Variants in ZNF469 observed in about 807,000 individuals in gnomAD.
ZNF469 encodes zinc finger protein 469.
In ZNF469, 1 loss-of-function variant was observed where a neutral mutation model predicts 1.0. That is an observed-to-expected ratio of 1.00 (90% confidence interval 0.35 to 4.73). The LOEUF (loss-of-function observed/expected upper bound fraction) is 4.73. ZNF469 is among the 30% of genes most tolerant of loss of function. The pLI, the probability that ZNF469 is intolerant of heterozygous loss-of-function variation, is 0.16. For missense variants in ZNF469, 6,100 were observed against 5,356.3 expected (o/e 1.14, Z -4.33); for synonymous variants, 2,703 against 2,363.4 (o/e 1.14, Z -4.17).
chr16:88,285,776 A>C, the ZNF469 span, among the ~76,000 whole-genome samples: 4 of 152,210 alleles, frequency 2.6e-5, no homozygotes, highest in Non-Finnish European at 1.5e-5. Flanking sequence ...GCCCTCTGGC[A>C]GGGGCCACCA....
At chr16:88,369,904 C>T in the ZNF469 span, among the ~76,000 whole-genome samples, 6 of 152,350 alleles carry the variant, frequency 3.9e-5, no homozygotes, top group African/African-American at 1.4e-4. Flanking sequence ...CCGCTCCTTC[C>T]CTCCTGGGGA....
the ZNF469 span, among the ~76,000 whole-genome samples, chr16:88,374,524 A>T: frequency 3.9e-5 from 6 of 152,252 alleles, no homozygotes; most frequent in African/African-American, 1.2e-4. Context: ...CTGAGTGAAT[A>T]TTCATGCTAT....
intron 1 of ZNF469, among the ~76,000 whole-genome samples, chr16:88,401,895 AGT>A (rs1491109333): frequency 4.8e-4 from 51 of 107,136 alleles, no homozygotes; most frequent in African/African-American, 1.6e-3. Flanking sequence ...TGAGTGGGTG[AGT>A]GGATGGATGG....
chr16:88,155,268 G>A, the ZNF469 span, among the ~76,000 whole-genome samples: 1 of 152,234 alleles, frequency 6.6e-6, no homozygotes, highest in Non-Finnish European at 1.5e-5. Flanking sequence ...GCAGCCCCCT[G>A]CTGACCCTGC....
chr16:88,423,249 GGATA>G (rs1439689211), intron 1 of ZNF469, among the ~76,000 whole-genome samples: 15 of 150,836 alleles, frequency 9.9e-5, no homozygotes, highest in African/African-American at 2.2e-4. Flanking sequence ...ATGGATGGAT[GGATA>G]GATGGATGGA....
At chr16:88,380,406 G>C (rs1423964699), upstream of ZNF469, among the ~76,000 whole-genome samples, 630 of 79,660 alleles carry the variant, frequency 7.9e-3, 52 homozygotes, top group Middle Eastern at 0.01. Context: ...CCCTCACACA[G>C]ACATGCACTC....
the ZNF469 span, among the ~76,000 whole-genome samples, chr16:88,124,675 C>G: frequency 1.3e-5 from 2 of 152,210 alleles, no homozygotes; most frequent in African/African-American, 4.8e-5. Flanking sequence ...ACCTCTGCCT[C>G]CCGGGTTCAA....
At chr16:88,375,749 T>C in the ZNF469 span, among the ~76,000 whole-genome samples, 1 of 152,266 alleles carries the variant, frequency 6.6e-6, no homozygotes. Context: ...GTGGGAATGC[T>C]GAGCCACACG....
At chr16:88,176,214 G>C in the ZNF469 span, among the ~76,000 whole-genome samples, 1 of 149,976 alleles carries the variant, frequency 6.7e-6, no homozygotes, top group South Asian at 2.2e-4. Context: ...AGACTGCACG[G>C]AGCTCACAAG....
At chr16:88,388,679 G>A (rs1228177541) in intron 1 of ZNF469, among the ~76,000 whole-genome samples, 1 of 152,220 alleles carries the variant, frequency 6.6e-6, no homozygotes, top group Non-Finnish European at 1.5e-5. Context: ...GGAGGAGGCT[G>A]CCCCATCTGT....
chr16:88,365,032 T>C, the ZNF469 span, among the ~76,000 whole-genome samples: 1 of 152,326 alleles, frequency 6.6e-6, no homozygotes, highest in South Asian at 2.1e-4. Flanking sequence ...TCCTGGATAT[T>C]TGATGTTTTA....
At chr16:88,343,517 C>G in the ZNF469 span, among the ~76,000 whole-genome samples, 2 of 152,108 alleles carry the variant, frequency 1.3e-5, no homozygotes, top group South Asian at 2.1e-4. Context: ...AATCCCTGAG[C>G]CTGGGTAGTT....
chr16:88,170,049 G>A, the ZNF469 span, among the ~76,000 whole-genome samples: 2 of 152,340 alleles, frequency 1.3e-5, no homozygotes, highest in South Asian at 2.1e-4. This position sits in a 1 kb window ranked among gnomAD's most constrained non-coding sequence, Gnocchi z 4.2. Context: ...CAGAGCACCC[G>A]AGTCCCGCTT....
chr16:88,418,401 G>T (rs1390502004), intron 1 of ZNF469, among the ~76,000 whole-genome samples: 1 of 152,148 alleles, frequency 6.6e-6, no homozygotes, highest in East Asian at 1.9e-4. Flanking sequence ...GTCCTTCTGG[G>T]TAATGACCCC....
chr16:88,386,601 C>G (rs372191080), intron 1 of ZNF469, among the ~76,000 whole-genome samples: 1 of 152,166 alleles, frequency 6.6e-6, no homozygotes, highest in African/African-American at 2.4e-5. Context: ...GCCGGTGACT[C>G]GGAGGGTCCC....
chr16:88,354,734 G>A, the ZNF469 span, among the ~76,000 whole-genome samples: 3 of 152,180 alleles, frequency 2.0e-5, no homozygotes, highest in Non-Finnish European at 4.4e-5. Flanking sequence ...TCTCCCAAGC[G>A]GACCAGGCTC....
chr16:88,271,353 G>A, the ZNF469 span, among the ~76,000 whole-genome samples: 2 of 132,930 alleles, frequency 1.5e-5, 1 homozygote, highest in East Asian at 5.5e-4. Context: ...CGGGGTCAGA[G>A]GCGGCTTCGC....
chr16:88,414,506 G>A (rs1905255551), intron 1 of ZNF469, among the ~76,000 whole-genome samples: 1 of 152,250 alleles, frequency 6.6e-6, no homozygotes, highest in Non-Finnish European at 1.5e-5. Flanking sequence ...CCTCCCGGGA[G>A]AGAGCCGTGA....
chr16:88,201,491 G>C, the ZNF469 span, among the ~76,000 whole-genome samples: 10 of 152,122 alleles, frequency 6.6e-5, no homozygotes, highest in Non-Finnish European at 1.5e-4. The surrounding 1 kb of genome is among the most constrained non-coding windows in gnomAD (Gnocchi z 5.0). Flanking sequence ...GGAGGTGGAG[G>C]TTGCAGTGAG....
Sources: allele counts gnomAD v4.1 joint callset (sites outside exome capture counted in the v4.1 genomes callset), GRCh38; gene constraint gnomAD v4.1.1; non-coding constraint Gnocchi (gnomAD v3.1); transcripts MANE v1.5; gene names NCBI Gene and HGNC (gene_info 2026-07-23, HGNC 2026-07-21).